Variants in STARD3NL observed in about 807,000 individuals in gnomAD.
STARD3NL encodes the protein STARD3 N-terminal-like protein.
Under a neutral mutation model 30.9 loss-of-function variants are expected in STARD3NL, and 17 were observed. The observed-to-expected ratio is 0.55, with a 90% confidence interval of 0.38 to 0.82. The LOEUF is 0.82. STARD3NL is among the 40% of genes least tolerant of loss of function. STARD3NL has a pLI of 0.00. For missense variants in STARD3NL, 234 were observed against 277.6 expected, an observed-to-expected ratio of 0.84 and a Z score of 1.12; for synonymous variants, 112 against 100.5, an observed-to-expected ratio of 1.11 and a Z score of -0.69.
intron 1 of STARD3NL, among the ~76,000 whole-genome samples, chr7:38,203,933 C>G (rs1172049860): frequency 6.6e-6 from 1 of 151,800 alleles, no homozygotes; most frequent in South Asian, 2.1e-4. Flanking sequence ...AGCTAACTAT[C>G]CTAAATATAT....
intron 1 of STARD3NL, among the ~76,000 whole-genome samples, chr7:38,189,878 AG>A (rs1784609981): frequency 1.3e-5 from 2 of 152,190 alleles, no homozygotes; most frequent in South Asian, 4.1e-4. Flanking sequence ...TTTTATACAA[AG>A]GTACGTGTAC....
At chr7:38,220,802 T>G (rs1024121192) in intron 7 of STARD3NL, among the ~76,000 whole-genome samples, 2 of 152,180 alleles carry the variant, frequency 1.3e-5, no homozygotes, top group Non-Finnish European at 2.9e-5. Context: ...AATATTATTC[T>G]CCATTAAAAA....
In STARD3NL at chr7:38,224,845, T is replaced by C. The variant is rs556131891; in HGVS notation, c.650-3954T>C. Among the ~76,000 whole-genome samples the C allele has an allele frequency of 2.0e-5, 3 of 152,234 alleles. No individual in the cohort carries two copies. In the East Asian group the frequency reaches 5.8e-4, roughly 29 times the overall value. Reference sequence around the variant, plus strand: ...CTTAATAAGAAAAGAAAAAAAAACATATGCTGAACTTTATCATGTTCGTCT... The same window carrying C: ...CTTAATAAGAAAAGAAAAAAAAACACATGCTGAACTTTATCATGTTCGTCT... On this transcript the variant is annotated intron_variant, in intron 7 of 8. Transcript: ENST00000009041.
At chr7:38,190,725 G>A (rs1784652440) in intron 1 of STARD3NL, among the ~76,000 whole-genome samples, 1 of 152,114 alleles carries the variant, frequency 6.6e-6, no homozygotes, top group African/African-American at 2.4e-5. Context: ...CATTGCATGT[G>A]ATGCTCGTGT....
In STARD3NL at chr7:38,225,925, G is replaced by C. The variant is rs75321691; in HGVS notation, c.650-2874G>C. On this transcript the variant is annotated intron_variant, in intron 7 of 8. Coordinates refer to ENST00000009041, the MANE Select transcript of STARD3NL (RefSeq NM_032016.4). ...GTTTATTCTCCTTATAAAATGTGTG[G>C]ATTAATATTTCTCAGCCAATTTGAG... Among the ~76,000 whole-genome samples, 889 of 152,148 alleles carry C rather than the reference G, an allele frequency of 5.8e-3. 7 individuals are homozygous for C. Among genetic ancestry groups the C allele is most frequent in the African/African-American group, 0.021 (851 of 41,496 alleles).
At chr7:38,221,305 T>G (rs1462959085) in intron 7 of STARD3NL, among the ~76,000 whole-genome samples, 1 of 152,228 alleles carries the variant, frequency 6.6e-6, no homozygotes, top group African/African-American at 2.4e-5. Flanking sequence ...ACTCCTCCCT[T>G]GTCTGCTTAT....
intron 2 of STARD3NL, among the ~76,000 whole-genome samples, chr7:38,213,590 C>A (rs1412148918): frequency 6.6e-6 from 1 of 150,692 alleles, no homozygotes; most frequent in Admixed American, 6.6e-5. Context: ...TCTGATCAGG[C>A]TAATCCAGGG....
chr7:38,211,693 A>T (rs764196623), intron 2 of STARD3NL, among the ~76,000 whole-genome samples: 2 of 152,210 alleles, frequency 1.3e-5, no homozygotes, highest in East Asian at 3.8e-4. Flanking sequence ...AGTGACTCAC[A>T]GTCTACATCA....
chr7:38,191,475 C>CA (rs140155227), intron 1 of STARD3NL, among the ~76,000 whole-genome samples: 10,017 of 151,644 alleles, frequency 0.066, 461 homozygotes, highest in Non-Finnish European at 0.087. Flanking sequence ...AAAAATATTG[C>CA]AAAAAAAATT....
intron 4 of STARD3NL, 122 bp from the exon 5 acceptor site, chr7:38,216,903 G>C (rs1583821062): frequency 2.6e-6 from 3 of 1,170,058 alleles, no homozygotes; most frequent in East Asian, 2.4e-5. Flanking sequence ...AAGGAGCCAG[G>C]CTAGGCACAG....
At chr7:38,202,706 A>G (rs1195214763) in intron 1 of STARD3NL, among the ~76,000 whole-genome samples, 1 of 144,296 alleles carries the variant, frequency 6.9e-6, no homozygotes, top group Non-Finnish European at 1.5e-5. Context: ...TATATCTCCT[A>G]ATGCTATCCC....
intron 2 of STARD3NL, 150 bp from the exon 3 acceptor site, chr7:38,214,207 T>G (rs981231769): frequency 3.7e-6 from 2 of 540,664 alleles, no homozygotes; most frequent in Non-Finnish European, 6.5e-6. Context: ...TCTAGCCCTT[T>G]TCTATTAAAA....
rs190842535 is a variant in STARD3NL, at chr7:38,213,946, G to A, written c.226-411G>A. Among the ~76,000 whole-genome samples, 39 of 152,280 alleles carry A rather than the reference G, an allele frequency of 2.6e-4. No individual in the cohort carries two copies. The East Asian group carries it at 6.4e-3, about 25-fold the overall frequency. On this transcript the variant is annotated intron_variant, in intron 2 of 8. Transcript: ENST00000009041. ...CATCATTGACGTTTGCCCGGATGTC[G>A]GGGAGTCTTGGCCTTCCAAGACCTA...
intron 1 of STARD3NL, among the ~76,000 whole-genome samples, chr7:38,180,875 C>G (rs1265928156): frequency 2.6e-5 from 4 of 152,164 alleles, no homozygotes; most frequent in Non-Finnish European, 5.9e-5. Context: ...ATCTAATGGC[C>G]AAACTTCTAT....
chr7:38,228,963 T>C, intron 8 of STARD3NL, 92 bp downstream of exon 8: 3 of 851,862 alleles, frequency 3.5e-6, no homozygotes, highest in Non-Finnish European at 5.4e-6. Flanking sequence ...AGAATAAGAG[T>C]GTAAGGATAG....
At chr7:38,213,393 C>A (rs1331325890) in intron 2 of STARD3NL, among the ~76,000 whole-genome samples, 4 of 152,172 alleles carry the variant, frequency 2.6e-5, no homozygotes, top group Non-Finnish European at 5.9e-5. Flanking sequence ...GGTATGCTTT[C>A]ATTTTTGCAT....
At position 38,205,153 on chromosome 7, in the gene STARD3NL, T is replaced by C. The variant is rs543047821; in HGVS notation, c.-58-2294T>C. On this transcript the variant is annotated intron_variant, in intron 1 of 8. Coordinates refer to ENST00000009041, the MANE Select transcript of STARD3NL (RefSeq NM_032016.4). ...TAATTTTATGAGGCCAGCATCATCCTGATACCAAAGCCTGGCAGAGACACA... is the reference window on the plus strand; with the variant it reads ...TAATTTTATGAGGCCAGCATCATCCCGATACCAAAGCCTGGCAGAGACACA... Among the ~76,000 whole-genome samples the C allele has an allele frequency of 2.3e-3, 354 of 152,338 alleles. 3 individuals are homozygous for C. The highest frequency in any genetic ancestry group is 8.2e-3 in the African/African-American group (339 of 41,570).
intron 1 of STARD3NL, among the ~76,000 whole-genome samples, chr7:38,189,906 C>G (rs1352205687): frequency 6.6e-6 from 1 of 152,118 alleles, no homozygotes; most frequent in Non-Finnish European, 1.5e-5. Context: ...CATATGCATT[C>G]TGTTTTATAG....
At chr7:38,193,282 T>TTG (rs1784766343) in intron 1 of STARD3NL, among the ~76,000 whole-genome samples, 6 of 150,404 alleles carry the variant, frequency 4.0e-5, no homozygotes, top group South Asian at 2.1e-4. Flanking sequence ...GGATTAGTTT[T>TTG]TTGTTGTTGT....
Sources: gnomAD v4.1 joint callset for allele counts (sites outside exome capture counted in the v4.1 genomes callset) on GRCh38, gnomAD v4.1.1 for gene constraint, MANE v1.5 for transcripts, NCBI Gene and HGNC (gene_info 2026-07-23, HGNC 2026-07-21) for gene names.